MARK2: variants seen among roughly 807,000 people sequenced by gnomAD.
MARK2 encodes the protein serine/threonine-protein kinase MARK2.
MARK2 carries 16 observed loss-of-function variants against 89.8 expected under a neutral mutation model. The observed-to-expected ratio is 0.18, with a 90% CI of 0.12 to 0.27. The LOEUF (loss-of-function observed/expected upper bound fraction) is 0.27. MARK2 is among the 10% of genes least tolerant of loss of function. MARK2 has a pLI of 1.00. For missense variants in MARK2, 621 were observed against 1,049.9 expected (o/e 0.59, Z 5.65); for synonymous variants, 382 against 399.5 (o/e 0.96, Z 0.52).
At chr11:63,871,297 G>A in intron 1 of MARK2, among the ~76,000 whole-genome samples, 1 of 152,078 alleles carries the variant, frequency 6.6e-6, no homozygotes, top group Non-Finnish European at 1.5e-5. Flanking sequence ...CTGTGTGCAG[G>A]TGTGGCTAAA....
chr11:63,849,689 G>T (rs891282688), intron 1 of MARK2, among the ~76,000 whole-genome samples: 21 of 152,280 alleles, frequency 1.4e-4, no homozygotes, highest in African/African-American at 5.1e-4. Context: ...GGAGGTGGAG[G>T]TTGCAGTGAA....
In MARK2 at chr11:63,902,918, T is replaced by G. The variant is rs1590697410; in HGVS notation, c.1416+136T>G. 9.7e-7 allele frequency: 1 copy of G among 1,031,184 alleles called. No individual in the cohort carries two copies. The highest frequency in any genetic ancestry group is 1.5e-6 in the Non-Finnish European group (1 of 674,612). 63.9% of individuals were successfully genotyped at this position (1,031,184 alleles called of 1,614,324 possible). Reference sequence around the variant, plus strand: ...TAGCAGGAAGCCTCGCTCCCAGCAGTAAATGCAGAATCCTTTCCTTAACCT... The same window carrying G: ...TAGCAGGAAGCCTCGCTCCCAGCAGGAAATGCAGAATCCTTTCCTTAACCT... On this transcript the variant is annotated intron_variant, in intron 13 of 18. Coordinates refer to ENST00000402010, the MANE Select transcript of MARK2 (RefSeq NM_001039469.3). This position sits in a 1 kb window ranked among gnomAD's most constrained non-coding sequence, Gnocchi z 4.2.
At chr11:63,883,564 A>T (rs10897458) in intron 1 of MARK2, among the ~76,000 whole-genome samples, 54,018 of 151,794 alleles carry the variant, frequency 0.36, 11,642 homozygotes, top group East Asian at 0.57. Context: ...TCTATGGTAA[A>T]CACTGACATG....
chr11:63,902,941 C>G lies in MARK2; in HGVS notation c.1417-120C>G. 9.2e-7 allele frequency: 1 copy of G among 1,086,384 alleles called. No homozygotes were observed. The highest frequency in any genetic ancestry group is 1.4e-6 in the Non-Finnish European group (1 of 715,704). The allele number at this position is 1,086,384 out of a possible 1,614,324, so 67.3% of individuals were successfully genotyped here. A position where few individuals can be genotyped will look rare whatever the true frequency, so the allele number is the denominator to read the frequency against. ...AGTAAATGCAGAATCCTTTCCTTAA[C>G]CTACCACTGTCTGCTTCAGGTGGAA... On this transcript the variant is annotated intron_variant, in intron 13 of 18. Transcript: ENST00000402010. This position sits in a 1 kb window ranked among gnomAD's most constrained non-coding sequence, Gnocchi z 4.2.
chr11:63,904,251 T>C lies in MARK2; in HGVS notation c.1676+104T>C, dbSNP rs1590702778. ...ACTTGGGGGTCCTGCTGTGTTCTTG[T>C]CATCTTAGCCACAAGAAATGGGTCT... On this transcript the variant is annotated intron_variant, in intron 15 of 18. Transcript: ENST00000402010. This position sits in a 1 kb window ranked among gnomAD's most constrained non-coding sequence, Gnocchi z 6.3. 12 of 1,068,036 alleles carry C rather than the reference T, an allele frequency of 1.1e-5. 1 individual carries two copies. In the Middle Eastern group the frequency reaches 9.3e-4, roughly 83 times the overall value. 66.2% of individuals were successfully genotyped at this position (1,068,036 alleles called of 1,614,324 possible).
rs773237296 is a variant in MARK2, at chr11:63,899,033, C to G, written c.475-19C>G. ...CACCCTCAGGCACCCCTGGGTTAAC[C>G]CTTCTTCCTTCCTTTCAGATAGTGT... On this transcript the variant is annotated intron_variant, in intron 6 of 18. Coordinates refer to ENST00000402010, the MANE Select transcript of MARK2 (RefSeq NM_001039469.3). 14 of 1,598,524 alleles carry G rather than the reference C, an allele frequency of 8.8e-6. No individual in the cohort carries two copies. Among genetic ancestry groups the G allele is most frequent in the Non-Finnish European group, 1.2e-5 (14 of 1,166,142 alleles).
chr11:63,875,717 C>T (rs1418937036), intron 1 of MARK2, among the ~76,000 whole-genome samples: 1 of 152,188 alleles, frequency 6.6e-6, no homozygotes, highest in Non-Finnish European at 1.5e-5. Context: ...CACCAAAAAT[C>T]CCATCGTCCT....
At chr11:63,859,333 T>TA (rs1554974603) in intron 1 of MARK2, among the ~76,000 whole-genome samples, 4 of 151,402 alleles carry the variant, frequency 2.6e-5, no homozygotes, top group African/African-American at 9.7e-5. Context: ...TTTTTTTTTT[T>TA]CCCCGAGAAG....
At chr11:63,886,489 A>G (rs936755356) in intron 1 of MARK2, among the ~76,000 whole-genome samples, 2 of 151,678 alleles carry the variant, frequency 1.3e-5, no homozygotes, top group African/African-American at 4.8e-5. Context: ...CAGTGGTGCA[A>G]TCTCTGCTCA....
At chr11:63,895,468 G>A in intron 2 of MARK2, 112 bp from the exon 3 acceptor site, 10 of 1,424,068 alleles carry the variant, frequency 7.0e-6, no homozygotes, top group Non-Finnish European at 8.9e-6. Flanking sequence ...ATATAGGGGT[G>A]CAAAAAGCTG....
At position 63,902,278 on chromosome 11, in the gene MARK2, G is replaced by A. The variant is rs1565143536; in HGVS notation, c.1182G>A (p.Lys394=). The stretch of plus-strand genomic sequence containing the variant: ...GCAGCGCCCCATCCCCATCCCACAA[G>A]GTACAGCGCAGCGTGTCGGCCAATC... ...TNSSAPSPSH[K]VQRSVSANPK... is the part of the protein sequence containing the mutation. The change falls in exon 12 of 19, where the codon AAG becomes AAA. Residue 394 remains lysine (K), a synonymous_variant. Transcript: ENST00000402010. This position sits in a 1 kb window ranked among gnomAD's most constrained non-coding sequence, Gnocchi z 4.2. The A allele has an allele frequency of 6.2e-7, 1 of 1,613,988 alleles. No homozygotes were observed. The highest frequency in any genetic ancestry group is 1.3e-5 in the African/African-American group (1 of 74,902).
rs143288644 is a variant in MARK2, at chr11:63,900,083, C to A, written c.741C>A (p.Ser247=). 74 of 1,613,774 alleles carry A rather than the reference C, an allele frequency of 4.6e-5. No homozygotes were observed. The African/African-American group carries it at 9.7e-4, about 21-fold the overall frequency. ...TCCTCTATACACTGGTCAGCGGATC[C>A]CTGCCTTTTGATGGACAGAACCTCA... ...GVILYTLVSG[S]LPFDGQNLKE... is the part of the protein sequence containing the mutation. The change falls in exon 8 of 19, where the codon TCC becomes TCA. Residue 247 remains serine, a synonymous_variant. Coordinates refer to ENST00000402010, the MANE Select transcript of MARK2 (RefSeq NM_001039469.3). The surrounding 1 kb of genome is among the most constrained non-coding windows in gnomAD (Gnocchi z 4.7).
chr11:63,859,316 TTTC>T, intron 1 of MARK2, among the ~76,000 whole-genome samples: 1 of 151,524 alleles, frequency 6.6e-6, no homozygotes. Context: ...AACCTGTTTA[TTTC>T]TTTTTTTTTT....
In MARK2 at chr11:63,902,844, C is replaced by T. The variant is rs1012315796; in HGVS notation, c.1416+62C>T. 1.5e-5 allele frequency: 21 copies of T among 1,383,740 alleles called. No homozygotes were observed. The highest frequency in any genetic ancestry group is 9.0e-5 in the Admixed American group (5 of 55,772). 85.7% of individuals were successfully genotyped at this position (1,383,740 alleles called of 1,614,324 possible). On this transcript the variant is annotated intron_variant, in intron 13 of 18. Transcript: ENST00000402010. This position sits in a 1 kb window ranked among gnomAD's most constrained non-coding sequence, Gnocchi z 4.2. ...GGTGGGGCCTGCCCTCTCCAGGCAG[C>T]TCTTCTCTTAATTCAGACTCTGTTC...
chr11:63,905,067 A>T (rs376541772), intron 16 of MARK2, 24 bp downstream of exon 16: 29 of 1,285,696 alleles, frequency 2.3e-5, no homozygotes, highest in Non-Finnish European at 2.8e-5. Flanking sequence ...TTTGGGTGGC[A>T]GAGAGGCTCA....
Position 63,904,056 on chromosome 11 carries a change from CA to C in MARK2, c.1586del (p.Gln529ArgfsTer87), listed in dbSNP as rs1363473830. Reference sequence around the variant, plus strand: ...CGCAGTCTCTGCGGCCCGGCCCCGCCAGCACCAGAAATCCATGTCGGCCTCC... The same window carrying C: ...CGCAGTCTCTGCGGCCCGGCCCCGCCGCACCAGAAATCCATGTCGGCCTCC... ...SAAVSAARPR[Q>X]HQKSMSASVH... On this transcript the variant is annotated frameshift_variant, in exon 15 of 19. Coordinates refer to ENST00000402010, the MANE Select transcript of MARK2 (RefSeq NM_001039469.3). LOFTEE classifies it high-confidence loss of function. This position sits in a 1 kb window ranked among gnomAD's most constrained non-coding sequence, Gnocchi z 6.3. The C allele has an allele frequency of 6.2e-7, 1 of 1,608,758 alleles. No individual in the cohort carries two copies. The highest frequency in any genetic ancestry group is 8.5e-7 in the Non-Finnish European group (1 of 1,179,748).
At chr11:63,905,307 T>C (rs1941238549) in intron 16 of MARK2, among the ~76,000 whole-genome samples, 1 of 152,142 alleles carries the variant, frequency 6.6e-6, no homozygotes, top group Non-Finnish European at 1.5e-5. Flanking sequence ...TGCCGCCTCC[T>C]CTCTAGGAGA....
rs753018268 is a variant in MARK2 at position 63,902,792 on chromosome 11, A to AC, written c.1416+16dup. 1.8e-5 allele frequency: 29 copies of AC among 1,600,968 alleles called. No individual in the cohort carries two copies. Among genetic ancestry groups the AC allele is most frequent in the South Asian group, 7.7e-5 (7 of 90,626 alleles). ...CCCAACCCCCTCCACGGTGAGCCGC[A>AC]CCCCCCGCTCTCTCCTTCCTTCCTG... On this transcript the variant is annotated intron_variant, in intron 13 of 18. Coordinates refer to ENST00000402010, the MANE Select transcript of MARK2 (RefSeq NM_001039469.3). The surrounding 1 kb of genome is among the most constrained non-coding windows in gnomAD (Gnocchi z 4.2).
At chr11:63,876,952 C>T (rs1938795899) in intron 1 of MARK2, among the ~76,000 whole-genome samples, 1 of 152,006 alleles carries the variant, frequency 6.6e-6, no homozygotes, top group Admixed American at 6.6e-5. Context: ...AGGTTCATAC[C>T]ACAGAAGTTA....
Sources: gnomAD v4.1 joint callset for allele counts (sites outside exome capture counted in the v4.1 genomes callset) on GRCh38, gnomAD v4.1.1 for gene constraint, Gnocchi (gnomAD v3.1) non-coding constraint, MANE v1.5 for transcripts, NCBI Gene and HGNC (gene_info 2026-07-23, HGNC 2026-07-21) for gene names.